Variants in GNG4 observed in about 807,000 individuals in gnomAD.
The protein encoded by GNG4 is G protein subunit gamma 4.
Under a neutral mutation model 5.8 loss-of-function variants are expected in GNG4, and 4 were observed. The observed-to-expected ratio is 0.69, with a 90% CI of 0.34 to 1.57. GNG4 has a LOEUF of 1.57. Among genes scored for constraint, GNG4 ranks in the 40% most tolerant of loss-of-function variants. The pLI, the probability that GNG4 is intolerant of heterozygous loss-of-function variation, is 0.06. For synonymous variants in GNG4, 29 were observed against 32.9 expected, an observed-to-expected ratio of 0.88 and a Z score of 0.41; for missense variants, 96 against 95.1, an observed-to-expected ratio of 1.01 and a Z score of -0.04.
At chr1:235,557,858 T>C (rs1285173236) in intron 3 of GNG4, among the ~76,000 whole-genome samples, 1 of 152,150 alleles carries the variant, frequency 6.6e-6, no homozygotes, top group African/African-American at 2.4e-5. Flanking sequence ...ACTTCTTCCC[T>C]TACAGCCCAG....
chr1:235,587,032 A>C (rs960862215), intron 2 of GNG4, among the ~76,000 whole-genome samples: 7 of 151,806 alleles, frequency 4.6e-5, no homozygotes, highest in Admixed American at 1.3e-4. Flanking sequence ...AGGAGGAGGT[A>C]GAGTTTGGGA....
intron 1 of GNG4, among the ~76,000 whole-genome samples, chr1:235,628,229 A>G (rs1215539556): frequency 6.6e-6 from 1 of 152,100 alleles, no homozygotes; most frequent in African/African-American, 2.4e-5. Flanking sequence ...AAAACCAGAC[A>G]TGGCCCAAGA....
In GNG4 at chr1:235,648,510, C is replaced by G. The variant is rs1657571012; in HGVS notation, c.-123+1152G>C. On this transcript the variant is annotated intron_variant, in intron 1 of 3. Coordinates refer to ENST00000391854, the MANE Select transcript of GNG4 (RefSeq NM_001098722.2). The surrounding 1 kb of genome is among the most constrained non-coding windows in gnomAD (Gnocchi z 5.0). ...TCAGATGGCGGCTGGTTCCCCTCCC[C>G]CGCCTCATACAAAAATCAGGAAAAG... Among the ~76,000 whole-genome samples the G allele has an allele frequency of 6.6e-6, 1 of 152,230 alleles. No individual in the cohort carries two copies. Among genetic ancestry groups the G allele is most frequent in the African/African-American group, 2.4e-5 (1 of 41,458 alleles).
intron 1 of GNG4, among the ~76,000 whole-genome samples, chr1:235,618,659 TG>T (rs1688647465): frequency 1.3e-5 from 2 of 150,184 alleles, no homozygotes; most frequent in East Asian, 1.9e-4. Flanking sequence ...TTAATCTTTT[TG>T]TTTTTTTTTT....
intron 1 of GNG4, chr1:235,616,040 C>T (rs1182723848): frequency 2.8e-6 from 1 of 356,918 alleles, no homozygotes; most frequent in South Asian, 2.2e-5. Flanking sequence ...AAGGCCTCGG[C>T]ACCTGGTGGC....
rs115372911 is a variant in GNG4, at chr1:235,625,226, A to G, written c.-123+24436T>C. 9.2e-3 allele frequency among the ~76,000 whole-genome samples: 1,394 copies of G among 152,182 alleles called. 30 individuals are homozygous for G. Among genetic ancestry groups the G allele is most frequent in the African/African-American group, 0.031 (1,304 of 41,506 alleles). ...CCCTGGGACAGTACTTTTCTTCCCCATTTTCCTAGCCTTCTTCTGCAAACT... is the reference window on the plus strand; with the variant it reads ...CCCTGGGACAGTACTTTTCTTCCCCGTTTTCCTAGCCTTCTTCTGCAAACT... On this transcript the variant is annotated intron_variant, in intron 1 of 3. Transcript: ENST00000391854.
chr1:235,638,039 C>T (rs563403265), intron 1 of GNG4, among the ~76,000 whole-genome samples: 1 of 152,336 alleles, frequency 6.6e-6, no homozygotes, highest in East Asian at 1.9e-4. Flanking sequence ...CTCCTGCCTG[C>T]GCATCTGGCC....
chr1:235,608,262 G>A (rs2102966968), intron 1 of GNG4, among the ~76,000 whole-genome samples: 1 of 152,182 alleles, frequency 6.6e-6, no homozygotes. Context: ...AAAGGCTGCT[G>A]CCAGCTGCTG....
intron 1 of GNG4, among the ~76,000 whole-genome samples, chr1:235,600,303 T>C (rs551199398): frequency 2.0e-4 from 31 of 151,800 alleles, no homozygotes; most frequent in Middle Eastern, 3.4e-3. Context: ...TTAGTAGATA[T>C]GGAGTTTCAA....
intron 3 of GNG4, among the ~76,000 whole-genome samples, chr1:235,554,623 C>T (rs531008921): frequency 6.6e-6 from 1 of 152,234 alleles, no homozygotes; most frequent in Admixed American, 6.5e-5. Context: ...GCGGGTGGAT[C>T]GCCTGAGGTC....
At chr1:235,602,497 CTT>C (rs962741715) in intron 1 of GNG4, among the ~76,000 whole-genome samples, 18 of 152,302 alleles carry the variant, frequency 1.2e-4, no homozygotes, top group African/African-American at 3.4e-4. Flanking sequence ...TTTCCACACT[CTT>C]TAAGTCACCG....
At chr1:235,613,834 A>G (rs1441667594) in intron 1 of GNG4, among the ~76,000 whole-genome samples, 1 of 152,214 alleles carries the variant, frequency 6.6e-6, no homozygotes, top group African/African-American at 2.4e-5. Flanking sequence ...TTGGGTTCTC[A>G]TGCAGCAGAG....
chr1:235,622,508 G>C (rs2102977415), intron 1 of GNG4, among the ~76,000 whole-genome samples: 1 of 152,228 alleles, frequency 6.6e-6, no homozygotes, highest in South Asian at 2.1e-4. Context: ...GAGGCCAGGA[G>C]TTTGAGACCA....
chr1:235,607,124 T>G (rs1386969293), intron 1 of GNG4, among the ~76,000 whole-genome samples: 3 of 151,958 alleles, frequency 2.0e-5, no homozygotes, highest in African/African-American at 7.2e-5. Context: ...TATTTTTATT[T>G]TTAGTAGAAA....
intron 1 of GNG4, among the ~76,000 whole-genome samples, chr1:235,635,006 A>G (rs1204761421): frequency 6.6e-6 from 1 of 152,222 alleles, no homozygotes; most frequent in Non-Finnish European, 1.5e-5. Flanking sequence ...GAGGAAGGCA[A>G]TACAAAGCCG....
At chr1:235,615,743 C>T (rs1203876009) in intron 1 of GNG4, 5 of 251,712 alleles carry the variant, frequency 2.0e-5, no homozygotes, top group South Asian at 7.0e-5. Flanking sequence ...CCAAGAAGCA[C>T]CAGGAGGAGG....
At chr1:235,556,430 T>C (rs1200871952) in intron 3 of GNG4, among the ~76,000 whole-genome samples, 1 of 151,698 alleles carries the variant, frequency 6.6e-6, no homozygotes, top group Non-Finnish European at 1.5e-5. Context: ...TGGTGGCCCA[T>C]GCCTGTAATC....
Position 235,571,484 on chromosome 1 carries a change from T to C in GNG4, c.99+12256A>G, listed in dbSNP as rs184210612. On this transcript the variant is annotated intron_variant, in intron 3 of 3. Transcript: ENST00000391854. ...ACGCGTATTAAGCACTCAGTAAATGTTGGCCGCTATTATTATCATCTGTTA... is the reference window on the plus strand; with the variant it reads ...ACGCGTATTAAGCACTCAGTAAATGCTGGCCGCTATTATTATCATCTGTTA... 4.9e-3 allele frequency among the ~76,000 whole-genome samples: 742 copies of C among 152,352 alleles called. 5 individuals are homozygous for C. Among genetic ancestry groups the C allele is most frequent in the African/African-American group, 0.017 (702 of 41,586 alleles).
chr1:235,647,133 C>A (rs10926351), intron 1 of GNG4, among the ~76,000 whole-genome samples: 6,167 of 152,022 alleles, frequency 0.041, 437 homozygotes, highest in African/African-American at 0.14. Context: ...AGTACTTATA[C>A]CTCTATTAAA....
Sources: allele counts gnomAD v4.1 joint callset (sites outside exome capture counted in the v4.1 genomes callset), GRCh38; gene constraint gnomAD v4.1.1; non-coding constraint Gnocchi (gnomAD v3.1); transcripts MANE v1.5; gene names NCBI Gene and HGNC (gene_info 2026-07-23, HGNC 2026-07-21).